Variants in ANXA8 observed in about 807,000 individuals in gnomAD.
ANXA8 encodes the protein annexin A8, also known as VAC-beta.
Under a neutral mutation model 26.8 loss-of-function variants are expected in ANXA8, and 9 were observed. That is an observed-to-expected ratio of 0.34 (90% CI 0.20 to 0.59). The LOEUF (loss-of-function observed/expected upper bound fraction) is 0.59. Among genes scored for constraint, ANXA8 ranks in the 20% least tolerant of loss-of-function variants. The pLI is 0.84. For synonymous variants in ANXA8, 39 were observed against 94.8 expected, an observed-to-expected ratio of 0.41 and a Z score of 3.42; for missense variants, 83 against 238.5, an observed-to-expected ratio of 0.35 and a Z score of 4.29.
At chr10:47,960,671 C>A in the ANXA8 span, among the ~76,000 whole-genome samples, 1 of 149,016 alleles carries the variant, frequency 6.7e-6, no homozygotes, top group Admixed American at 6.6e-5. Flanking sequence ...CCAAGGGAAC[C>A]ATGTCACCCG....
At position 47,475,000 on chromosome 10, in the gene ANXA8, C is replaced by G; in HGVS notation, c.497G>C (p.Ser166Thr). The stretch of plus-strand genomic sequence containing the variant: ...CACAAAGCTGCTCACATCATCCCTG[C>G]TGCCCTAGGAACAGAGGAGGTGGCT... ...ERILVCLLQG[S>T]RDDVSSFVDP... is the part of the protein sequence containing the mutation. The change falls in exon 7 of 12, where the codon AGC (serine) becomes ACC (threonine). Residue 166 changes from serine (S) to threonine (T), a missense_variant. Transcript: ENST00000585281. 1 of 1,532,238 alleles carries G rather than the reference C, an allele frequency of 6.5e-7. No homozygotes were observed. The highest frequency in any genetic ancestry group is 8.8e-7 in the Non-Finnish European group (1 of 1,131,968). 94.9% of individuals were successfully genotyped at this position (1,532,238 alleles called of 1,614,324 possible).
At chr10:47,741,839 ATT>A in the ANXA8 span, among the ~76,000 whole-genome samples, 74,312 of 121,698 alleles carry the variant, frequency 0.61, 20,982 homozygotes, top group South Asian at 0.74. Flanking sequence ...ATAAACAGGG[ATT>A]TTTTTTTTTT....
At chr10:47,724,687 A>C in the ANXA8 span, among the ~76,000 whole-genome samples, 1 of 141,086 alleles carries the variant, frequency 7.1e-6, no homozygotes, top group African/African-American at 2.6e-5. Context: ...CTGAAGTTAA[A>C]ATTCATATAC....
the ANXA8 span, among the ~76,000 whole-genome samples, chr10:47,937,985 A>T: frequency 1.0e-4 from 8 of 77,092 alleles, no homozygotes; most frequent in African/African-American, 3.0e-4. Context: ...TGCAATGAAC[A>T]TGTGCATGCA....
chr10:47,733,211 T>TTCTCTCTCTCTCTCTCTCTCTTTCTC, the ANXA8 span, among the ~76,000 whole-genome samples: 1 of 82,316 alleles, frequency 1.2e-5, no homozygotes, highest in African/African-American at 4.4e-5. Context: ...CTTTCTTTCT[T>TTCTCTCTCTCTCTCTCTCTCTTTCTC]TCTTTCTTTC....
the ANXA8 span, among the ~76,000 whole-genome samples, chr10:47,593,553 A>G: frequency 6.7e-6 from 1 of 149,750 alleles, no homozygotes; most frequent in East Asian, 1.9e-4. Context: ...TACCAGACTG[A>G]AGTTTGAGTT....
At chr10:47,469,366 G>A (rs1163713256) in intron 11 of ANXA8, among the ~76,000 whole-genome samples, 3 of 151,908 alleles carry the variant, frequency 2.0e-5, no homozygotes, top group East Asian at 2.0e-4. Flanking sequence ...GCACCCTGAC[G>A]GTGTGGCCGA....
At chr10:47,676,580 C>T in the ANXA8 span, among the ~76,000 whole-genome samples, 1 of 151,794 alleles carries the variant, frequency 6.6e-6, no homozygotes, top group African/African-American at 2.4e-5. Flanking sequence ...TGCTTGAACC[C>T]AGGAGTTTGA....
the ANXA8 span, among the ~76,000 whole-genome samples, chr10:47,646,042 C>T: frequency 6.7e-6 from 1 of 149,198 alleles, no homozygotes; most frequent in Non-Finnish European, 1.5e-5. Context: ...CTAGCTATCT[C>T]TGTCTCTTTC....
At chr10:47,748,476 G>C in the ANXA8 span, among the ~76,000 whole-genome samples, 33 of 152,072 alleles carry the variant, frequency 2.2e-4, no homozygotes, top group East Asian at 1.6e-3. Flanking sequence ...GCCTCCCAAA[G>C]TGCTGGGATT....
the ANXA8 span, among the ~76,000 whole-genome samples, chr10:47,584,796 T>C: frequency 8.1e-6 from 1 of 123,956 alleles, no homozygotes; most frequent in African/African-American, 3.7e-5. Context: ...TGAATAGAAA[T>C]ATGAATATAG....
At chr10:47,958,090 G>C in the ANXA8 span, among the ~76,000 whole-genome samples, 3 of 150,224 alleles carry the variant, frequency 2.0e-5, no homozygotes, top group African/African-American at 5.0e-5. Flanking sequence ...CCCACTCCAG[G>C]ATTTTAATAA....
At chr10:47,672,562 C>T in the ANXA8 span, among the ~76,000 whole-genome samples, 1 of 151,478 alleles carries the variant, frequency 6.6e-6, no homozygotes, top group Non-Finnish European at 1.5e-5. Flanking sequence ...GCTATACTGA[C>T]AAATAAGAAA....
the ANXA8 span, among the ~76,000 whole-genome samples, chr10:47,724,463 G>A: frequency 7.1e-6 from 1 of 141,104 alleles, no homozygotes; most frequent in African/African-American, 2.6e-5. Flanking sequence ...CCTTCTTTCA[G>A]TTCTTCAGAC....
the ANXA8 span, chr10:47,550,974 A>G: frequency 6.7e-6 from 1 of 149,648 alleles, no homozygotes; most frequent in East Asian, 2.1e-4. Flanking sequence ...TTTTATAGAG[A>G]GTACAACAGA....
At chr10:47,497,568 G>A in the ANXA8 span, among the ~76,000 whole-genome samples, 633 of 148,946 alleles carry the variant, frequency 4.2e-3, 6 homozygotes, top group African/African-American at 0.014. Flanking sequence ...GCCGTGAGCC[G>A]AGATCCTGCC....
the ANXA8 span, among the ~76,000 whole-genome samples, chr10:47,943,952 G>C: frequency 6.8e-6 from 1 of 147,934 alleles, no homozygotes; most frequent in East Asian, 2.1e-4. Flanking sequence ...CCGTGGAGCA[G>C]TGCCTGAACC....
chr10:47,513,795 C>T, the ANXA8 span, among the ~76,000 whole-genome samples: 1 of 136,092 alleles, frequency 7.3e-6, no homozygotes, highest in African/African-American at 2.7e-5. Context: ...GAAAGTAAAC[C>T]CTATTCAACA....
chr10:47,907,765 CAAA>C, the ANXA8 span, among the ~76,000 whole-genome samples: 13 of 27,146 alleles, frequency 4.8e-4, 5 homozygotes, highest in Admixed American at 2.4e-3. Context: ...GAGACTGTCT[CAAA>C]AAAAAAAAAA....
Sources: allele counts gnomAD v4.1 joint callset (sites outside exome capture counted in the v4.1 genomes callset), GRCh38; gene constraint gnomAD v4.1.1; transcripts MANE v1.5; gene names NCBI Gene and HGNC (gene_info 2026-07-23, HGNC 2026-07-21).